The following URAD variants were observed in gnomAD, a reference collection of about 807,000 sequenced individuals.
The protein encoded by URAD is ureidoimidazoline (2-oxo-4-hydroxy-4-carboxy-5-) decarboxylase, also known as putative 2-oxo-4-hydroxy-4-carboxy-5-ureidoimidazoline decarboxylase.
In URAD, 4 loss-of-function variants were observed where a neutral mutation model predicts 4.6. The ratio of observed to expected loss-of-function variants is 0.87; its 90% CI spans 0.43 to 1.98. The LOEUF (loss-of-function observed/expected upper bound fraction) is 1.98. Ranked by LOEUF, URAD falls within the 30% of genes most tolerant of loss-of-function variation. The pLI, the probability that URAD is intolerant of heterozygous loss-of-function variation, is 0.03. For synonymous variants in URAD, 144 were observed against 118.2 expected (o/e 1.22, Z -1.41); for missense variants, 300 against 255.3 (o/e 1.18, Z -1.19).
At chr13:27,983,428 C>T (rs1235029025) in intron 1 of URAD, among the ~76,000 whole-genome samples, 1 of 151,986 alleles carries the variant, frequency 6.6e-6, no homozygotes, top group Non-Finnish European at 1.5e-5. Flanking sequence ...CGGGTTTCAC[C>T]GTGTTGGCCA....
intron 1 of URAD, among the ~76,000 whole-genome samples, chr13:27,984,903 C>T (rs573932714): frequency 3.3e-5 from 5 of 152,162 alleles, no homozygotes; most frequent in Admixed American, 2.6e-4. Context: ...CGCTTGAACC[C>T]GGGAGGCGGA....
intron 1 of URAD, among the ~76,000 whole-genome samples, chr13:27,987,892 T>TGATAGATAGATA (rs6144971): frequency 0.04 from 5,980 of 150,140 alleles, 141 homozygotes; most frequent in East Asian, 0.082. Context: ...AATAGATAGA[T>TGATAGATAGATA]GATAGATAGA....
intron 1 of URAD, among the ~76,000 whole-genome samples, chr13:27,987,927 T>C (rs1870081814): frequency 7.6e-6 from 1 of 131,292 alleles, no homozygotes; most frequent in African/African-American, 2.8e-5. Flanking sequence ...GATAGATAGA[T>C]AGATAGATTT....
chr13:27,988,398 T>TA, intron 1 of URAD, 65 bp downstream of exon 1: 1 of 1,494,124 alleles, frequency 6.7e-7, no homozygotes, highest in Non-Finnish European at 9.0e-7. Flanking sequence ...GGCCAGTATC[T>TA]AAAAATATTT....
In URAD at chr13:27,978,226, C is replaced by G. The variant is rs762392034; in HGVS notation, c.402G>C (p.Glu134Asp). ...ACGGGCAGAGCAGCCGGCGCGCCAG[C>G]TCGCGCGGCACCGCCGTCCGGTCGC... The part of the protein sequence containing the change: ...RFSDRTAVPR[E>D]LARRLLCPSA... The change falls in exon 2 of 2, where the codon GAG (glutamate) becomes GAC (aspartate). Residue 134 changes from glutamate (E) to aspartate (D), a missense_variant. Physicochemically the swap from Glu to Asp is conservative, Grantham distance 45. Transcript: ENST00000332715. 3.9e-5 allele frequency: 58 copies of G among 1,469,892 alleles called. No individual in the cohort carries two copies. The highest frequency in any genetic ancestry group is 5.0e-5 in the Non-Finnish European group (56 of 1,120,878). The allele number at this position is 1,469,892 out of a possible 1,614,324, so 91.1% of individuals were successfully genotyped here.
intron 1 of URAD, among the ~76,000 whole-genome samples, chr13:27,980,837 T>C (rs143635724): frequency 3.2e-3 from 484 of 152,088 alleles, no homozygotes; most frequent in Non-Finnish European, 5.2e-3. Flanking sequence ...CTCTAGAGTT[T>C]GTCTCCCGCT....
chr13:27,978,985 G>C (rs955516699), intron 1 of URAD, among the ~76,000 whole-genome samples: 5 of 152,204 alleles, frequency 3.3e-5, no homozygotes, highest in African/African-American at 1.2e-4. Flanking sequence ...AACGGACAGG[G>C]GCGGGGTGCA....
At chr13:27,981,051 C>CTG in intron 1 of URAD, among the ~76,000 whole-genome samples, 1 of 151,372 alleles carries the variant, frequency 6.6e-6, no homozygotes, top group East Asian at 1.9e-4. Context: ...CTCTCTCTCT[C>CTG]TGTCTCTTAG....
chr13:27,988,641 T>C lies in URAD; in HGVS notation c.-4A>G, dbSNP rs1425894880. 15 of 1,594,766 alleles carry C rather than the reference T, an allele frequency of 9.4e-6. No homozygotes were observed. In the South Asian group the frequency reaches 1.6e-4, roughly 17 times the overall value. ...AGTTGACCTTCTCAATGTCCATTCCTTGTATTCCACTGGAGACAGCGGGAC... is the reference window on the plus strand; with the variant it reads ...AGTTGACCTTCTCAATGTCCATTCCCTGTATTCCACTGGAGACAGCGGGAC... On this transcript the variant is annotated 5_prime_UTR_variant, in exon 1 of 2. Coordinates refer to ENST00000332715, the MANE Select transcript of URAD (RefSeq NM_001105577.2).
At position 27,978,402 on chromosome 13, in the gene URAD, G is replaced by A. The variant is rs1291428556; in HGVS notation, c.226C>T (p.Gln76Ter). ...CHPDLAGSEL[Q>*]RGTLTAESQR... is the part of the protein sequence containing the mutation. ...GACTCGGCCGTGAGCGTGCCCCGCT[G>A]CAGCTCGCTGCCCGCCAGGTCCGGG... The change falls in exon 2 of 2, where the codon CAG (glutamine) becomes TAG (stop). Residue 76 changes from glutamine to a stop codon, truncating the protein, a stop_gained. Coordinates refer to ENST00000332715, the MANE Select transcript of URAD (RefSeq NM_001105577.2). LOFTEE classifies it low-confidence loss of function (END_TRUNC). 5.7e-6 allele frequency: 8 copies of A among 1,396,064 alleles called. No individual in the cohort carries two copies. The highest frequency in any genetic ancestry group is 6.5e-6 in the Non-Finnish European group (7 of 1,080,364). 86.5% of individuals were successfully genotyped at this position (1,396,064 alleles called of 1,614,324 possible).
intron 1 of URAD, among the ~76,000 whole-genome samples, chr13:27,983,316 G>A (rs1271321474): frequency 6.6e-6 from 1 of 151,878 alleles, no homozygotes. Flanking sequence ...TGCAACCTCC[G>A]TCTTCCGGGT....
chr13:27,984,925 G>C (rs966503190), intron 1 of URAD, among the ~76,000 whole-genome samples: 16 of 152,140 alleles, frequency 1.1e-4, no homozygotes, highest in Admixed American at 1.0e-3. Flanking sequence ...GTTGCAGTGA[G>C]CTGAGATTGT....
intron 1 of URAD, among the ~76,000 whole-genome samples, chr13:27,986,572 C>T (rs1408455893): frequency 3.3e-5 from 5 of 152,166 alleles, no homozygotes; most frequent in East Asian, 1.9e-4. Context: ...GCCCCCAAAA[C>T]GTGTGTTAAG....
At position 27,978,589 on chromosome 13, in the gene URAD, G is replaced by C. The variant is rs1027317655; in HGVS notation, c.176-137C>G. The C allele has an allele frequency of 4.7e-6, 3 of 644,298 alleles. No individual in the cohort carries two copies. In the African/African-American group the frequency reaches 5.7e-5, roughly 12 times the overall value. The allele number at this position is 644,298 out of a possible 1,614,324, so 39.9% of individuals were successfully genotyped here. On this transcript the variant is annotated intron_variant, in intron 1 of 1. Coordinates refer to ENST00000332715, the MANE Select transcript of URAD (RefSeq NM_001105577.2). ...CCCGGCCCCAAAGAAGGCTGCGGGA[G>C]GGTGAAGTAGAGTACCCAGGCGGTG...
At chr13:27,979,687 G>T (rs1869819499) in intron 1 of URAD, among the ~76,000 whole-genome samples, 1 of 152,194 alleles carries the variant, frequency 6.6e-6, no homozygotes, top group African/African-American at 2.4e-5. Context: ...TGTTGGAAAA[G>T]GCGCGCACGT....
intron 1 of URAD, among the ~76,000 whole-genome samples, chr13:27,979,816 C>T (rs1869822608): frequency 6.6e-6 from 1 of 152,174 alleles, no homozygotes; most frequent in African/African-American, 2.4e-5. Context: ...TGATAGTGCA[C>T]CATCTAACTC....
At chr13:27,981,898 C>T (rs1044884615) in intron 1 of URAD, among the ~76,000 whole-genome samples, 3 of 152,308 alleles carry the variant, frequency 2.0e-5, no homozygotes, top group African/African-American at 7.2e-5. Flanking sequence ...TTCCCTGTTG[C>T]TCTCTTGTTT....
At chr13:27,979,925 T>TA (rs1466254629) in intron 1 of URAD, among the ~76,000 whole-genome samples, 1 of 152,182 alleles carries the variant, frequency 6.6e-6, no homozygotes, top group African/African-American at 2.4e-5. Context: ...GTGACCTGCC[T>TA]AGGGTCACTC....
chr13:27,977,946 A>T lies in URAD; in HGVS notation c.*160T>A, dbSNP rs1262356090. 5.2e-6 allele frequency: 3 copies of T among 575,434 alleles called. No individual in the cohort carries two copies. The highest frequency in any genetic ancestry group is 7.0e-5 in the East Asian group (2 of 28,376). The allele number at this position is 575,434 out of a possible 1,614,324, so 35.6% of individuals were successfully genotyped here. A position where few individuals can be genotyped will look rare whatever the true frequency, so the allele number is the denominator to read the frequency against. On this transcript the variant is annotated 3_prime_UTR_variant, in exon 2 of 2. Transcript: ENST00000332715. ...CGCGTGTGGGTGGGCGGACAAAAGG[A>T]CTCATTACTCGTATGATTGCCTCAA...
Sources: allele counts gnomAD v4.1 joint callset (sites outside exome capture counted in the v4.1 genomes callset), GRCh38; gene constraint gnomAD v4.1.1; transcripts MANE v1.5; gene names NCBI Gene and HGNC (gene_info 2026-07-23, HGNC 2026-07-21).